The following GPC5 variants were observed in gnomAD, a reference collection of about 807,000 sequenced individuals.
GPC5 encodes glypican 5.
Under a neutral mutation model 53.9 loss-of-function variants are expected in GPC5, and 47 were observed. The ratio of observed to expected loss-of-function variants is 0.87; its 90% CI spans 0.69 to 1.11. The LOEUF (loss-of-function observed/expected upper bound fraction) is 1.11, where lower values mean the gene tolerates loss of function less well. GPC5 is among the 50% of genes most tolerant of loss of function. The pLI is 0.00. For synonymous variants in GPC5, 286 were observed against 263.3 expected (o/e 1.09, Z -0.84); for missense variants, 748 against 713.1 (o/e 1.05, Z -0.56).
At chr13:92,804,568 GTCA>G (rs1594518774) in intron 7 of GPC5, among the ~76,000 whole-genome samples, 2 of 152,024 alleles carry the variant, frequency 1.3e-5, no homozygotes, top group Non-Finnish European at 2.9e-5. Context: ...TCATTAGGGA[GTCA>G]TCAACTTGTT....
intron 5 of GPC5, among the ~76,000 whole-genome samples, chr13:91,871,456 A>G (rs7325340): frequency 0.017 from 2,638 of 152,232 alleles, 38 homozygotes; most frequent in Admixed American, 0.048. Flanking sequence ...CCTGTGATGT[A>G]TGTTTATTTA....
Position 92,826,384 on chromosome 13 carries a change from G to A in GPC5, c.1562-39898G>A, listed in dbSNP as rs74894434. 2.4e-3 allele frequency among the ~76,000 whole-genome samples: 358 copies of A among 152,140 alleles called. 2 individuals carry two copies. Among genetic ancestry groups the A allele is most frequent in the African/African-American group, 7.9e-3 (328 of 41,506 alleles). The stretch of plus-strand genomic sequence containing the variant: ...TGAGCAAACAAATTCTGCCAACAAC[G>A]ACATAAGCTTGGCAAATAACCCTGA... On this transcript the variant is annotated intron_variant, in intron 7 of 7. Coordinates refer to ENST00000377067, the MANE Select transcript of GPC5 (RefSeq NM_004466.6).
intron 7 of GPC5, among the ~76,000 whole-genome samples, chr13:92,756,393 T>A (rs1566403822): frequency 6.6e-6 from 1 of 151,762 alleles, no homozygotes; most frequent in Non-Finnish European, 1.5e-5. Flanking sequence ...GGACAAAAAC[T>A]GGAAGCATTC....
At chr13:92,452,296 G>C (rs1412780554) in intron 7 of GPC5, among the ~76,000 whole-genome samples, 6 of 152,076 alleles carry the variant, frequency 3.9e-5, no homozygotes, top group Non-Finnish European at 7.4e-5. Context: ...ACAAGTCCTA[G>C]TTATCAAAGA....
At chr13:92,490,838 T>C (rs895292965) in intron 7 of GPC5, among the ~76,000 whole-genome samples, 2 of 152,084 alleles carry the variant, frequency 1.3e-5, no homozygotes, top group Admixed American at 1.3e-4. Flanking sequence ...CTAGTATAAA[T>C]AGTAGTTCAA....
In GPC5 at chr13:92,094,793, C is replaced by T. The variant is rs1453049220; in HGVS notation, c.1402-50037C>T. ...TGTTTCAAATTCTGTTATTTTATTC[C>T]AATTCTTTTGTTCACATATTGCTTT... On this transcript the variant is annotated intron_variant, in intron 6 of 7. Transcript: ENST00000377067. Among the ~76,000 whole-genome samples the T allele has an allele frequency of 2.0e-5, 3 of 151,232 alleles. No homozygotes were observed. In the East Asian group the frequency reaches 5.8e-4, roughly 29 times the overall value.
chr13:92,279,551 T>C (rs2042899184), intron 7 of GPC5, among the ~76,000 whole-genome samples: 1 of 152,064 alleles, frequency 6.6e-6, no homozygotes, highest in Admixed American at 6.5e-5. Context: ...TCTTTTGTCT[T>C]GTTCCTGACC....
At chr13:91,731,946 A>G (rs2140025168) in intron 4 of GPC5, among the ~76,000 whole-genome samples, 1 of 152,260 alleles carries the variant, frequency 6.6e-6, no homozygotes, top group South Asian at 2.1e-4. Context: ...GGACATTTGT[A>G]TATTGATTCC....
At chr13:91,690,994 G>A (rs767438579) in intron 2 of GPC5, among the ~76,000 whole-genome samples, 5 of 152,048 alleles carry the variant, frequency 3.3e-5, no homozygotes, top group Non-Finnish European at 7.4e-5. Flanking sequence ...CCCACTTCGC[G>A]GTTCTTAGCC....
chr13:92,117,798 T>C (rs1055723459), intron 6 of GPC5, among the ~76,000 whole-genome samples: 1 of 152,212 alleles, frequency 6.6e-6, no homozygotes, highest in Non-Finnish European at 1.5e-5. Flanking sequence ...AAATATTGAG[T>C]TTGTATACAA....
At chr13:92,132,418 T>C (rs932845216) in intron 6 of GPC5, among the ~76,000 whole-genome samples, 1 of 152,126 alleles carries the variant, frequency 6.6e-6, no homozygotes, top group Admixed American at 6.6e-5. Flanking sequence ...TTTGGGAAGC[T>C]TGAAGTCTGA....
intron 7 of GPC5, among the ~76,000 whole-genome samples, chr13:92,846,859 A>C (rs1389345570): frequency 6.6e-6 from 1 of 152,218 alleles, no homozygotes; most frequent in African/African-American, 2.4e-5. Flanking sequence ...ACTGTAGATT[A>C]TTATTTAGAA....
intron 7 of GPC5, among the ~76,000 whole-genome samples, chr13:92,472,094 C>T (rs926819408): frequency 2.0e-5 from 3 of 152,064 alleles, no homozygotes; most frequent in Non-Finnish European, 4.4e-5. Context: ...ATATTTTGTA[C>T]AGAAACCATG....
intron 7 of GPC5, among the ~76,000 whole-genome samples, chr13:92,699,415 G>C (rs1594430392): frequency 6.6e-6 from 1 of 151,634 alleles, no homozygotes; most frequent in South Asian, 2.1e-4. Flanking sequence ...GGTTTTTTGT[G>C]TCTCTCTCTC....
In GPC5 at chr13:92,287,334, G is replaced by T. The variant is rs9561003; in HGVS notation, c.1561+142345G>T. On this transcript the variant is annotated intron_variant, in intron 7 of 7. Coordinates refer to ENST00000377067, the MANE Select transcript of GPC5 (RefSeq NM_004466.6). Reference sequence around the variant, plus strand: ...CACTGGAGAATAATGTTCATTTTGTGGTTGTTCTGTGGCGTGTTCTTTAAG... The same window carrying T: ...CACTGGAGAATAATGTTCATTTTGTTGTTGTTCTGTGGCGTGTTCTTTAAG... 3.1e-4 allele frequency among the ~76,000 whole-genome samples: 47 copies of T among 151,994 alleles called. 1 individual carries two copies. Among genetic ancestry groups the T allele is most frequent in the African/African-American group, 1.1e-3 (45 of 41,452 alleles).
At chr13:91,689,057 A>G (rs1305416576) in intron 2 of GPC5, among the ~76,000 whole-genome samples, 4 of 151,050 alleles carry the variant, frequency 2.6e-5, no homozygotes, top group Admixed American at 6.6e-5. Flanking sequence ...AGTCCCAGCT[A>G]CTTGGGAAGT....
chr13:91,448,138 G>A (rs955253545), intron 1 of GPC5, among the ~76,000 whole-genome samples: 1 of 152,126 alleles, frequency 6.6e-6, no homozygotes, highest in African/African-American at 2.4e-5. Context: ...AAACATGATT[G>A]TACAACTAAA....
chr13:92,121,547 T>A (rs747263762), intron 6 of GPC5, among the ~76,000 whole-genome samples: 2 of 152,242 alleles, frequency 1.3e-5, no homozygotes, highest in African/African-American at 4.8e-5. Context: ...TGTGGAAGAC[T>A]GACCCCCATA....
intron 6 of GPC5, among the ~76,000 whole-genome samples, chr13:92,091,364 GA>G (rs1269144340): frequency 6.6e-6 from 1 of 151,814 alleles, no homozygotes; most frequent in African/African-American, 2.4e-5. Context: ...TCATTTTGAG[GA>G]TTAAGATTTT....
Sources: allele counts gnomAD v4.1 joint callset (sites outside exome capture counted in the v4.1 genomes callset), GRCh38; gene constraint gnomAD v4.1.1; transcripts MANE v1.5; gene names NCBI Gene and HGNC (gene_info 2026-07-23, HGNC 2026-07-21).